Variants in STIMATE observed in about 807,000 individuals in gnomAD.
STIMATE encodes store-operated calcium entry regulator STIMATE.
In STIMATE, 15 loss-of-function variants were observed where a neutral mutation model predicts 36.7. The observed-to-expected ratio is 0.41, with a 90% CI of 0.27 to 0.63. STIMATE has a LOEUF of 0.63. Among genes scored for constraint, STIMATE ranks in the 20% least tolerant of loss-of-function variants. STIMATE has a pLI of 0.32. For missense variants in STIMATE, 305 were observed against 397.3 expected (o/e 0.77, Z 1.98); for synonymous variants, 163 against 162.3 (o/e 1.00, Z -0.03).
At chr3:52,856,297 C>T (rs1701094329) in intron 1 of STIMATE, among the ~76,000 whole-genome samples, 1 of 152,074 alleles carries the variant, frequency 6.6e-6, no homozygotes, top group South Asian at 2.1e-4. Flanking sequence ...AATGCTGGGC[C>T]AAGGAAACTA....
At chr3:52,862,253 C>T (rs1401600182) in intron 1 of STIMATE, among the ~76,000 whole-genome samples, 2 of 152,224 alleles carry the variant, frequency 1.3e-5, no homozygotes, top group African/African-American at 4.8e-5. Context: ...GCCCCTTTCC[C>T]CATTTCTACT....
intron 4 of STIMATE, among the ~76,000 whole-genome samples, chr3:52,846,068 G>A (rs904618433): frequency 2.0e-5 from 3 of 152,256 alleles, no homozygotes; most frequent in African/African-American, 7.2e-5. Context: ...GGGCACCCAT[G>A]CTGGAGGCCC....
At chr3:52,860,849 C>T (rs1040586246) in intron 1 of STIMATE, among the ~76,000 whole-genome samples, 1 of 152,084 alleles carries the variant, frequency 6.6e-6, no homozygotes, top group East Asian at 1.9e-4. Flanking sequence ...CACGTGGTGG[C>T]GGGGGTACTT....
chr3:52,867,018 T>C (rs1204594936), intron 1 of STIMATE, among the ~76,000 whole-genome samples: 1 of 152,182 alleles, frequency 6.6e-6, no homozygotes, highest in Non-Finnish European at 1.5e-5. Context: ...AGCCGGGGTC[T>C]CCCGGCTGCA....
chr3:52,871,405 C>T (rs936491142), intron 1 of STIMATE, among the ~76,000 whole-genome samples: 3 of 152,078 alleles, frequency 2.0e-5, no homozygotes, highest in African/African-American at 7.2e-5. Flanking sequence ...TGTGGGAGCA[C>T]CTGCGGCAGA....
At chr3:52,845,433 C>T (rs1700876891) in intron 4 of STIMATE, among the ~76,000 whole-genome samples, 1 of 152,202 alleles carries the variant, frequency 6.6e-6, no homozygotes, top group Non-Finnish European at 1.5e-5. Flanking sequence ...CATCCCTTAC[C>T]CAACTCCCCG....
intron 4 of STIMATE, chr3:52,848,356 C>T (rs908027130): frequency 6.6e-6 from 1 of 152,084 alleles, no homozygotes; most frequent in African/African-American, 2.4e-5. Flanking sequence ...AATATCACTG[C>T]CTTCTTCCTT....
intron 1 of STIMATE, among the ~76,000 whole-genome samples, chr3:52,878,356 T>C (rs1701537741): frequency 6.6e-6 from 1 of 152,018 alleles, no homozygotes; most frequent in Non-Finnish European, 1.5e-5. Flanking sequence ...AGTCTGATGG[T>C]CCTGGCTGTA....
intron 1 of STIMATE, among the ~76,000 whole-genome samples, chr3:52,871,584 C>T (rs1361007248): frequency 6.6e-6 from 1 of 152,114 alleles, no homozygotes; most frequent in Non-Finnish European, 1.5e-5. Flanking sequence ...GCCTCAGAGC[C>T]TCACTATGTT....
chr3:52,887,190 G>A (rs373330876), intron 1 of STIMATE, among the ~76,000 whole-genome samples: 15 of 152,324 alleles, frequency 9.8e-5, no homozygotes, highest in East Asian at 9.6e-4. Flanking sequence ...TTATACTGTG[G>A]TTACATAAAA....
At chr3:52,860,948 C>A (rs1452798639) in intron 1 of STIMATE, among the ~76,000 whole-genome samples, 1 of 152,158 alleles carries the variant, frequency 6.6e-6, no homozygotes, top group African/African-American at 2.4e-5. Context: ...TTGTGCCCTG[C>A]GTGGGCCTGG....
At chr3:52,896,787 G>A (rs149827784) in intron 1 of STIMATE, among the ~76,000 whole-genome samples, 1,711 of 152,278 alleles carry the variant, frequency 0.011, 14 homozygotes, top group Non-Finnish European at 0.016. Context: ...GGAAACGGAA[G>A]GCATGGCCCT....
chr3:52,847,137 T>C, intron 4 of STIMATE: 6 of 812,692 alleles, frequency 7.4e-6, no homozygotes, highest in Non-Finnish European at 9.0e-6. Context: ...CTTAAGCTCC[T>C]GGGCTCAAGC....
intron 1 of STIMATE, among the ~76,000 whole-genome samples, chr3:52,856,379 T>G (rs775552201): frequency 1.3e-5 from 2 of 152,040 alleles, no homozygotes; most frequent in Non-Finnish European, 2.9e-5. Flanking sequence ...TGGGACTAAG[T>G]TTTAGAAAGG....
intron 1 of STIMATE, among the ~76,000 whole-genome samples, chr3:52,862,038 T>C (rs1274540751): frequency 1.3e-5 from 2 of 152,112 alleles, no homozygotes; most frequent in Non-Finnish European, 2.9e-5. Context: ...GGCCTCCCAG[T>C]GATGCTCCAA....
intron 1 of STIMATE, among the ~76,000 whole-genome samples, chr3:52,893,983 A>G (rs1373270015): frequency 6.6e-6 from 1 of 152,192 alleles, no homozygotes; most frequent in Non-Finnish European, 1.5e-5. Flanking sequence ...GCACTGGAAC[A>G]GTTTGCTGAG....
At position 52,855,337 on chromosome 3, in the gene STIMATE, C is replaced by A. The variant is rs113960731; in HGVS notation, c.209+59G>T. 1,847 of 1,585,190 alleles carry A rather than the reference C, an allele frequency of 1.2e-3. 10 individuals are homozygous for A. The highest frequency in any genetic ancestry group is 4.5e-3 in the South Asian group (397 of 88,478). ...TCCAACACCATACCCCACCCCCAGC[C>A]CCAAGACCCCCAACATAGTCAAAAG... On this transcript the variant is annotated intron_variant, in intron 2 of 7. Transcript: ENST00000355083.
chr3:52,861,981 C>T (rs77190329), intron 1 of STIMATE, among the ~76,000 whole-genome samples: 4,498 of 152,248 alleles, frequency 0.03, 227 homozygotes, highest in African/African-American at 0.1. Flanking sequence ...AAGTTCCCCT[C>T]TCAGGGCTCC....
chr3:52,869,677 A>G (rs1701370448), intron 1 of STIMATE, among the ~76,000 whole-genome samples: 1 of 152,222 alleles, frequency 6.6e-6, no homozygotes, highest in African/African-American at 2.4e-5. Context: ...ATTCATATTT[A>G]TACCCTTGGC....
Sources: gnomAD v4.1 joint callset for allele counts (sites outside exome capture counted in the v4.1 genomes callset) on GRCh38, gnomAD v4.1.1 for gene constraint, MANE v1.5 for transcripts, NCBI Gene and HGNC (gene_info 2026-07-23, HGNC 2026-07-21) for gene names.